Variants in TAF4B observed in about 807,000 individuals in gnomAD.
The protein encoded by TAF4B is TATA-box binding protein associated factor 4b, also known as transcription initiation factor TFIID subunit 4B.
A neutral mutation model predicts 86.4 loss-of-function variants in TAF4B; 38 were observed. The ratio of observed to expected loss-of-function variants is 0.44; its 90% confidence interval spans 0.34 to 0.58. The LOEUF is 0.58. Ranked by LOEUF, TAF4B falls within the 20% of genes least tolerant of loss-of-function variation. The pLI, the probability that TAF4B is intolerant of heterozygous loss-of-function variation, is 0.02. For missense variants in TAF4B, 988 were observed against 1,027.6 expected, an observed-to-expected ratio of 0.96 and a Z score of 0.53; for synonymous variants, 388 against 391.2, an observed-to-expected ratio of 0.99 and a Z score of 0.10.
At chr18:26,352,035 T>G (rs533496003) in intron 13 of TAF4B, among the ~76,000 whole-genome samples, 1 of 152,140 alleles carries the variant, frequency 6.6e-6, no homozygotes, top group South Asian at 2.1e-4. Context: ...ATAAAACATT[T>G]AGAGTTACTA....
chr18:26,355,761 T>C (rs2057284120), intron 13 of TAF4B, among the ~76,000 whole-genome samples: 3 of 152,248 alleles, frequency 2.0e-5, no homozygotes, highest in Admixed American at 1.3e-4. Context: ...TATAGCTTGT[T>C]GTTTGATTTG....
At chr18:26,346,761 A>G (rs7226509) in intron 13 of TAF4B, among the ~76,000 whole-genome samples, 2,464 of 22,042 alleles carry the variant, frequency 0.11, 352 homozygotes, top group Middle Eastern at 0.19. Context: ...ATATGTGTGT[A>G]TATATATATA....
At chr18:26,373,312 C>T (rs1192715410) in intron 14 of TAF4B, among the ~76,000 whole-genome samples, 2 of 152,124 alleles carry the variant, frequency 1.3e-5, no homozygotes, top group African/African-American at 2.4e-5. Context: ...AATCTATCTC[C>T]CACTTTCTCT....
At position 26,286,409 on chromosome 18, in the gene TAF4B, T is replaced by C; in HGVS notation, c.1500T>C (p.Ile500=). 1.2e-6 allele frequency: 2 copies of C among 1,614,212 alleles called. No homozygotes were observed. Among genetic ancestry groups the C allele is most frequent in the Non-Finnish European group, 1.7e-6 (2 of 1,180,048 alleles). ...SAGTTSDKPV[I]GTPVQIKLAQ... ...GGACCACATCTGACAAGCCTGTTAT[T>C]GGGACTCCAGTTCAAATCAAACTTG... Residue 500 remains isoleucine, a synonymous_variant, in exon 7 of 15, where the codon ATT becomes ATC. Coordinates refer to ENST00000269142, the MANE Select transcript of TAF4B (RefSeq NM_005640.3).
At chr18:26,372,521 C>G (rs1461216951) in intron 14 of TAF4B, among the ~76,000 whole-genome samples, 1 of 152,140 alleles carries the variant, frequency 6.6e-6, no homozygotes, top group Non-Finnish European at 1.5e-5. Flanking sequence ...TTTTGACTGG[C>G]AAGGTTTGCA....
At chr18:26,243,639 G>A (rs751282697) in intron 1 of TAF4B, among the ~76,000 whole-genome samples, 16 of 152,206 alleles carry the variant, frequency 1.1e-4, no homozygotes, top group Non-Finnish European at 1.9e-4. Context: ...GAGGAGCTGC[G>A]TTCCTTTGGA....
intron 14 of TAF4B, among the ~76,000 whole-genome samples, chr18:26,386,709 C>G (rs1003398790): frequency 2.0e-5 from 3 of 152,128 alleles, no homozygotes; most frequent in African/African-American, 7.2e-5. Context: ...TTTTGTGATA[C>G]TCTTTCATGT....
chr18:26,390,118 T>C lies in TAF4B; in HGVS notation c.*106T>C, dbSNP rs1175187090. 8.5e-7 allele frequency: 1 copy of C among 1,182,834 alleles called. No homozygotes were observed. The highest frequency in any genetic ancestry group is 1.2e-6 in the Non-Finnish European group (1 of 845,066). 73.3% of individuals were successfully genotyped at this position (1,182,834 alleles called of 1,614,324 possible). A position where few individuals can be genotyped will look rare whatever the true frequency, so the allele number is the denominator to read the frequency against. ...AATTTCTGGAAAATAATCACCAACATGAAAGAGCATTGTTTACAGTTAGAA... is the reference window on the plus strand; with the variant it reads ...AATTTCTGGAAAATAATCACCAACACGAAAGAGCATTGTTTACAGTTAGAA... On this transcript the variant is annotated 3_prime_UTR_variant, in exon 15 of 15. Coordinates refer to ENST00000269142, the MANE Select transcript of TAF4B (RefSeq NM_005640.3).
At chr18:26,316,181 C>G (rs2056909793) in intron 10 of TAF4B, among the ~76,000 whole-genome samples, 1 of 152,006 alleles carries the variant, frequency 6.6e-6, no homozygotes, top group Admixed American at 6.6e-5. Flanking sequence ...TAATGAGCTT[C>G]AAATATACTT....
intron 14 of TAF4B, among the ~76,000 whole-genome samples, chr18:26,384,608 A>G (rs1978313876): frequency 6.6e-6 from 1 of 152,188 alleles, no homozygotes. Context: ...GACTTGAGAT[A>G]ATAGGACCTA....
chr18:26,264,174 C>T (rs2056207351), intron 1 of TAF4B, among the ~76,000 whole-genome samples: 1 of 152,170 alleles, frequency 6.6e-6, no homozygotes. Flanking sequence ...TGCAGTGGCT[C>T]ACACCTGTAA....
chr18:26,332,789 C>T (rs2057061258), intron 12 of TAF4B, among the ~76,000 whole-genome samples: 1 of 152,122 alleles, frequency 6.6e-6, no homozygotes, highest in Non-Finnish European at 1.5e-5. Flanking sequence ...ACCTCAGCAT[C>T]CCAAAGTGCT....
chr18:26,233,059 G>A (rs1236848493), intron 1 of TAF4B, among the ~76,000 whole-genome samples: 2 of 152,158 alleles, frequency 1.3e-5, no homozygotes, highest in South Asian at 4.1e-4. Flanking sequence ...AGTTGGTGGG[G>A]AGGCAGATAT....
intron 13 of TAF4B, among the ~76,000 whole-genome samples, chr18:26,354,869 G>T (rs1241768975): frequency 6.6e-6 from 1 of 152,074 alleles, no homozygotes; most frequent in Admixed American, 6.5e-5. Flanking sequence ...TAAAATAATG[G>T]TTGTTGTAGC....
chr18:26,278,450 G>A (rs34046278), intron 5 of TAF4B, among the ~76,000 whole-genome samples: 12,232 of 152,038 alleles, frequency 0.08, 584 homozygotes, highest in Middle Eastern at 0.13. Context: ...ACTAAGAGGT[G>A]TGTGCCACCA....
rs2056226249 is a variant in TAF4B at position 26,265,456 on chromosome 18, G to A, written c.489+141G>A. 9 of 968,914 alleles carry A rather than the reference G, an allele frequency of 9.3e-6. No individual in the cohort carries two copies. The South Asian group carries it at 2.1e-4, about 22-fold the overall frequency. 60.0% of individuals were successfully genotyped at this position (968,914 alleles called of 1,614,324 possible). A position where few individuals can be genotyped will look rare whatever the true frequency, so the allele number is the denominator to read the frequency against. ...TTTTAGGTCAGCTTGCCTTGAATAT[G>A]TCAATTTAATAAAGATTTTTGGTTT... is the stretch of plus-strand genomic sequence containing the variant. On this transcript the variant is annotated intron_variant, in intron 2 of 14. Coordinates refer to ENST00000269142, the MANE Select transcript of TAF4B (RefSeq NM_005640.3).
chr18:26,341,670 GT>G (rs1195245677), intron 13 of TAF4B, among the ~76,000 whole-genome samples: 1 of 151,872 alleles, frequency 6.6e-6, no homozygotes, highest in Non-Finnish European at 1.5e-5. Flanking sequence ...CAGTGTCCTG[GT>G]ATCATAATAA....
At chr18:26,346,877 GTATATATATA>G (rs1220239621) in intron 13 of TAF4B, among the ~76,000 whole-genome samples, 12 of 6,602 alleles carry the variant, frequency 1.8e-3, no homozygotes, top group African/African-American at 2.2e-3. Flanking sequence ...ATATATATGT[GTATATATATA>G]TATATATATA....
chr18:26,357,854 CAA>C (rs1277278550), intron 14 of TAF4B, 60 bp downstream of exon 14: 9 of 1,324,918 alleles, frequency 6.8e-6, no homozygotes, highest in Non-Finnish European at 1.1e-6. Context: ...CAAAAAGAAG[CAA>C]AGACTTAAAA....
Sources: allele counts gnomAD v4.1 joint callset (sites outside exome capture counted in the v4.1 genomes callset), GRCh38; gene constraint gnomAD v4.1.1; transcripts MANE v1.5; gene names NCBI Gene and HGNC (gene_info 2026-07-23, HGNC 2026-07-21).